Variants in SYNE3 observed in about 807,000 individuals in gnomAD.
The protein encoded by SYNE3 is spectrin repeat containing nuclear envelope family member 3, also known as nesprin-3.
Under a neutral mutation model 111.2 loss-of-function variants are expected in SYNE3, and 100 were observed. The ratio of observed to expected loss-of-function variants is 0.90; its 90% CI spans 0.77 to 1.06. The LOEUF is 1.06. Among genes scored for constraint, SYNE3 ranks in the 50% least tolerant of loss-of-function variants. The pLI is 0.00. For missense variants in SYNE3, 1,160 were observed against 1,240.3 expected (o/e 0.94, Z 0.97); for synonymous variants, 547 against 533.9 (o/e 1.02, Z -0.34).
chr14:95,449,889 T>A (rs1320341824), intron 8 of SYNE3, 42 bp downstream of exon 8: 1 of 1,536,654 alleles, frequency 6.5e-7, no homozygotes, highest in African/African-American at 1.4e-5. Flanking sequence ...GCCCCGCCAG[T>A]GGCCCACCCC....
rs575370482 is a variant in SYNE3, at chr14:95,492,691, G to C, written c.-14-16856C>G. Among the ~76,000 whole-genome samples, 3 of 152,264 alleles carry C rather than the reference G, an allele frequency of 2.0e-5. No individual in the cohort carries two copies. In the East Asian group the frequency reaches 5.8e-4, roughly 29 times the overall value. On this transcript the variant is annotated intron_variant, in intron 1 of 17. Coordinates refer to ENST00000682763, the MANE Select transcript of SYNE3 (RefSeq NM_152592.6). ...GTAAGAATATTCTAAAAATGATTGT[G>C]GTGACGGCTGTACAGCTCTGTGAAT... is the stretch of plus-strand genomic sequence containing the variant.
At chr14:95,495,043 C>T (rs1003877377) in intron 1 of SYNE3, among the ~76,000 whole-genome samples, 2 of 150,604 alleles carry the variant, frequency 1.3e-5, no homozygotes, top group Non-Finnish European at 2.9e-5. Context: ...ACCTGGGAGG[C>T]GGAGGTTGCA....
intron 17 of SYNE3, among the ~76,000 whole-genome samples, chr14:95,430,652 C>T (rs2761906): frequency 0.68 from 103,446 of 151,842 alleles, 37,935 homozygotes; most frequent in Non-Finnish European, 0.83. Flanking sequence ...GGTGAAACCC[C>T]GTCTCTACTG....
At chr14:95,429,175 G>A (rs965195714) in intron 17 of SYNE3, among the ~76,000 whole-genome samples, 6 of 152,182 alleles carry the variant, frequency 3.9e-5, no homozygotes, top group East Asian at 1.9e-4. Context: ...TGCTCCCTTC[G>A]CTCTCAGAAA....
chr14:95,428,543 G>A (rs991747781), intron 17 of SYNE3, among the ~76,000 whole-genome samples: 2 of 152,220 alleles, frequency 1.3e-5, no homozygotes, highest in Non-Finnish European at 2.9e-5. Flanking sequence ...GATGGGAGAT[G>A]CCTGCTCTCT....
chr14:95,433,703 G>A (rs1885923137), intron 15 of SYNE3, among the ~76,000 whole-genome samples: 1 of 152,234 alleles, frequency 6.6e-6, no homozygotes, highest in African/African-American at 2.4e-5. Flanking sequence ...GGCTTGACTA[G>A]AGTTCGCATC....
chr14:95,422,759 C>G (rs1034330239), intron 17 of SYNE3, among the ~76,000 whole-genome samples: 1 of 152,246 alleles, frequency 6.6e-6, no homozygotes, highest in Non-Finnish European at 1.5e-5. Flanking sequence ...GCCCCACTGC[C>G]TCTCATGAAA....
chr14:95,499,834 C>T (rs1286848128), intron 1 of SYNE3, among the ~76,000 whole-genome samples: 1 of 144,880 alleles, frequency 6.9e-6, no homozygotes, highest in African/African-American at 2.6e-5. Flanking sequence ...CTAGAAGAAT[C>T]CCCTGTATCA....
At chr14:95,434,719 G>A (rs997535891) in intron 15 of SYNE3, among the ~76,000 whole-genome samples, 2 of 152,126 alleles carry the variant, frequency 1.3e-5, no homozygotes, top group South Asian at 2.1e-4. Flanking sequence ...GTGCAATGGC[G>A]CGATCTCGGC....
chr14:95,454,718 C>G (rs144222258), intron 6 of SYNE3, among the ~76,000 whole-genome samples: 291 of 152,368 alleles, frequency 1.9e-3, no homozygotes, highest in Middle Eastern at 3.4e-3. Context: ...CAGGTAAGAT[C>G]TGGGATGGCT....
At chr14:95,490,999 G>A (rs1054670177) in intron 1 of SYNE3, among the ~76,000 whole-genome samples, 1 of 152,230 alleles carries the variant, frequency 6.6e-6, no homozygotes, top group Non-Finnish European at 1.5e-5. Flanking sequence ...TGGCACAGAG[G>A]AGGAGGGCAG....
In SYNE3 at chr14:95,409,665, T is replaced by C. The variant is rs774093212; in HGVS notation, c.*8161A>G. ...TTGCTTTTAGACCACGAGCCTGTGT[T>C]TTAATGTTCTTTTAGAAACAAATTC... On this transcript the variant is annotated 3_prime_UTR_variant, in exon 18 of 18. Transcript: ENST00000682763. 6.3e-6 allele frequency: 2 copies of C among 318,498 alleles called. No homozygotes were observed. Among genetic ancestry groups the C allele is most frequent in the Non-Finnish European group, 1.2e-5 (2 of 162,086 alleles). The allele number at this position is 318,498 out of a possible 1,614,324, so 19.7% of individuals were successfully genotyped here. A position where few individuals can be genotyped will look rare whatever the true frequency, so the allele number is the denominator to read the frequency against.
In SYNE3 at chr14:95,470,395, A is replaced by T. The variant is rs941807909; in HGVS notation, c.145-2428T>A. On this transcript the variant is annotated intron_variant, in intron 2 of 17. Transcript: ENST00000682763. The surrounding 1 kb of genome is among the most constrained non-coding windows in gnomAD (Gnocchi z 4.2). Reference sequence around the variant, plus strand: ...GCCTGTAATCCCAGCAGTTTGGGAGACCAAGGCAGGAGGATCGCTGAGGCC... The same window carrying T: ...GCCTGTAATCCCAGCAGTTTGGGAGTCCAAGGCAGGAGGATCGCTGAGGCC... Among the ~76,000 whole-genome samples, 1 of 151,784 alleles carries T rather than the reference A, an allele frequency of 6.6e-6. No homozygotes were observed. Among genetic ancestry groups the T allele is most frequent in the African/African-American group, 2.4e-5 (1 of 41,292 alleles).
chr14:95,486,303 TC>T (rs1173431834), intron 1 of SYNE3, among the ~76,000 whole-genome samples: 1 of 151,806 alleles, frequency 6.6e-6, no homozygotes. Context: ...GCCTGCACCT[TC>T]CTCAGTGACC....
At chr14:95,476,330 G>A (rs945124249) in intron 1 of SYNE3, among the ~76,000 whole-genome samples, 21 of 152,216 alleles carry the variant, frequency 1.4e-4, no homozygotes, top group Admixed American at 3.9e-4. Flanking sequence ...GGGGATGGTC[G>A]TGTTAGGTTC....
intron 11 of SYNE3, 21 bp from the exon 12 acceptor site, chr14:95,440,096 C>G (rs994008408): frequency 6.3e-7 from 1 of 1,577,110 alleles, no homozygotes; most frequent in Non-Finnish European, 8.6e-7. Flanking sequence ...GCCCGGGGAG[C>G]CCAGGGCATC....
At chr14:95,505,413 G>C (rs1451669912) in intron 1 of SYNE3, among the ~76,000 whole-genome samples, 1 of 152,208 alleles carries the variant, frequency 6.6e-6, no homozygotes, top group Non-Finnish European at 1.5e-5. Context: ...CTCTCTGCCA[G>C]GCCAGGTGGC....
intron 1 of SYNE3, among the ~76,000 whole-genome samples, chr14:95,487,116 C>T (rs1889589820): frequency 1.3e-5 from 2 of 152,336 alleles, no homozygotes; most frequent in African/African-American, 2.4e-5. Context: ...CTGACTCTTC[C>T]CTGTCTCTTT....
Position 95,467,923 on chromosome 14 carries a change from G to T in SYNE3, c.189C>A (p.Leu63=), listed in dbSNP as rs778184864. The T allele has an allele frequency of 4.3e-6, 7 of 1,614,112 alleles. No individual in the cohort carries two copies. The highest frequency in any genetic ancestry group is 5.9e-6 in the Non-Finnish European group (7 of 1,179,982). The change falls in exon 3 of 18, where the codon CTC becomes CTA. Residue 63 remains leucine, a synonymous_variant. Transcript: ENST00000682763. ...AGAGGGCTTCAGCCATCCGTAGCAC[G>T]AGGTCCACCCTCACACGCCCCTCGG... ...LEPEGRVRVD[L]VLRMAEALLA...
Sources: gnomAD v4.1 joint callset for allele counts (sites outside exome capture counted in the v4.1 genomes callset) on GRCh38, gnomAD v4.1.1 for gene constraint, Gnocchi (gnomAD v3.1) non-coding constraint, MANE v1.5 for transcripts, NCBI Gene and HGNC (gene_info 2026-07-23, HGNC 2026-07-21) for gene names.